Variants in CCDC39 observed in about 807,000 individuals in gnomAD.
CCDC39 encodes coiled-coil domain-containing protein 39.
A neutral mutation model predicts 121.0 loss-of-function variants in CCDC39; 113 were observed. The ratio of observed to expected loss-of-function variants is 0.93; its 90% CI spans 0.80 to 1.09. The LOEUF (loss-of-function observed/expected upper bound fraction) is 1.09, where lower values mean the gene tolerates loss of function less well. Ranked by LOEUF, CCDC39 falls within the 50% of genes least tolerant of loss-of-function variation. The probability of loss-of-function intolerance (pLI) is 0.00; values close to 1 mark genes in which losing one functional copy is unlikely to be tolerated. For missense variants in CCDC39, 1,063 were observed against 1,074.7 expected (o/e 0.99, Z 0.15); for synonymous variants, 349 against 352.2 (o/e 0.99, Z 0.10).
chr3:180,665,091 C>T (rs535059440), intron 1 of CCDC39, among the ~76,000 whole-genome samples: 31 of 152,232 alleles, frequency 2.0e-4, no homozygotes, highest in African/African-American at 6.7e-4. Context: ...TGTGAATAGT[C>T]GCAAGGCATC....
chr3:180,636,314 C>T (rs2108415865), intron 13 of CCDC39, among the ~76,000 whole-genome samples: 1 of 152,218 alleles, frequency 6.6e-6, no homozygotes, highest in East Asian at 1.9e-4. Flanking sequence ...CCAATAACAG[C>T]CAAGCCAATA....
At chr3:180,650,019 T>C (rs754824268) in intron 9 of CCDC39, among the ~76,000 whole-genome samples, 1 of 152,206 alleles carries the variant, frequency 6.6e-6, no homozygotes, top group Admixed American at 6.5e-5. Context: ...CCCATCCAAA[T>C]ACAAATGGAG....
intron 1 of CCDC39, among the ~76,000 whole-genome samples, chr3:180,674,652 C>T (rs879430884): frequency 6.6e-6 from 1 of 152,122 alleles, no homozygotes; most frequent in Non-Finnish European, 1.5e-5. Flanking sequence ...AGATACGGCC[C>T]ATCAATACCT....
At chr3:180,629,419 C>T (rs1289311481) in intron 14 of CCDC39, among the ~76,000 whole-genome samples, 1 of 152,194 alleles carries the variant, frequency 6.6e-6, no homozygotes, top group African/African-American at 2.4e-5. Context: ...TAGTTATCAT[C>T]TATACCTACA....
Position 180,631,486 on chromosome 3 carries a change from C to A in CCDC39, c.1981G>T (p.Ala661Ser). The A allele has an allele frequency of 6.2e-7, 1 of 1,605,676 alleles. No individual in the cohort carries two copies. Among genetic ancestry groups the A allele is most frequent in the Non-Finnish European group, 8.5e-7 (1 of 1,178,814 alleles). The change falls in exon 14 of 20, where the codon GCC becomes TCC. Residue 661 changes from alanine to serine, a missense_variant. Coordinates refer to ENST00000476379, the MANE Select transcript of CCDC39 (RefSeq NM_181426.2). ...PPEGEEEKTQ[A>S]YYVIKAAQEK... ...AAAATTACCTTTATTACATAATAGG[C>A]CTGTGTTTTCTCCTCTTCTCCTTCA...
chr3:180,674,886 T>C (rs1212718748), intron 1 of CCDC39, among the ~76,000 whole-genome samples: 1 of 152,300 alleles, frequency 6.6e-6, no homozygotes, highest in South Asian at 2.1e-4. Flanking sequence ...TTTGCCAGTA[T>C]TTTATGGAGG....
Position 180,631,590 on chromosome 3 carries a change from G to A in CCDC39, c.1877C>T (p.Thr626Ile). The change falls in exon 14 of 20, where the codon ACT (threonine) becomes ATT (isoleucine). Residue 626 changes from threonine (T) to isoleucine (I), a missense_variant and splice_region_variant. Coordinates refer to ENST00000476379, the MANE Select transcript of CCDC39 (RefSeq NM_181426.2). ...YVDQERENIS[T>I]EFRERLSKIE... ...TTTACTTAGCCGCTCGCGAAACTCAGTGCTAATAAGAAAAAGAAACACTGA... is the reference window on the plus strand; with the variant it reads ...TTTACTTAGCCGCTCGCGAAACTCAATGCTAATAAGAAAAAGAAACACTGA... The A allele has an allele frequency of 2.5e-6, 4 of 1,602,382 alleles. No individual in the cohort carries two copies. The highest frequency in any genetic ancestry group is 1.7e-4 in the Middle Eastern group (1 of 6,054).
intron 9 of CCDC39, among the ~76,000 whole-genome samples, chr3:180,650,542 G>A (rs978378669): frequency 6.6e-6 from 1 of 152,102 alleles, no homozygotes; most frequent in Non-Finnish European, 1.5e-5. Context: ...ATGGAATCCA[G>A]GGCACAGTGG....
intron 11 of CCDC39, among the ~76,000 whole-genome samples, chr3:180,644,558 G>A (rs1341866386): frequency 6.6e-6 from 1 of 152,072 alleles, no homozygotes; most frequent in Non-Finnish European, 1.5e-5. Context: ...AGTATTGTCT[G>A]GGGATTGGTT....
intron 1 of CCDC39, among the ~76,000 whole-genome samples, chr3:180,668,120 G>C (rs931858964): frequency 1.3e-5 from 2 of 152,180 alleles, no homozygotes; most frequent in African/African-American, 4.8e-5. Flanking sequence ...GCTCATGCCT[G>C]TAATCCCAAT....
In CCDC39 at chr3:180,648,225, G is replaced by T. The variant is rs1329563593; in HGVS notation, c.1302C>A (p.Asn434Lys). 9 of 1,613,382 alleles carry T rather than the reference G, an allele frequency of 5.6e-6. No individual in the cohort carries two copies. Among genetic ancestry groups the T allele is most frequent in the Non-Finnish European group, 7.6e-6 (9 of 1,179,564 alleles). ...CAAAATCCAGTTTTTGTAACTGATG[G>T]TTGAGATGTTTCAGAGAGGAACGAG... ...EGTRSSLKHL[N>K]HQLQKLDFET... The change falls in exon 10 of 20, where the codon AAC (asparagine) becomes AAA (lysine). Residue 434 changes from asparagine (N) to lysine (K), a missense_variant. By Grantham distance (94) the Asn-to-Lys change is moderately conservative. Coordinates refer to ENST00000476379, the MANE Select transcript of CCDC39 (RefSeq NM_181426.2).
intron 13 of CCDC39, among the ~76,000 whole-genome samples, chr3:180,636,265 A>G (rs1717825330): frequency 6.6e-6 from 1 of 152,240 alleles, no homozygotes; most frequent in Admixed American, 6.5e-5. Context: ...GTTTCAGGAT[A>G]CAAAATCAAC....
At chr3:180,653,519 T>A (rs1711515075) in intron 7 of CCDC39, among the ~76,000 whole-genome samples, 1 of 152,188 alleles carries the variant, frequency 6.6e-6, no homozygotes, top group Non-Finnish European at 1.5e-5. Context: ...CCTCTCTCTG[T>A]TATTTAGGTT....
chr3:180,635,228 C>T (rs1384298632), intron 13 of CCDC39, among the ~76,000 whole-genome samples: 1 of 152,162 alleles, frequency 6.6e-6, no homozygotes, highest in African/African-American at 2.4e-5. Context: ...CATTACTTCC[C>T]ACCAGGTCCC....
intron 6 of CCDC39, among the ~76,000 whole-genome samples, chr3:180,655,337 G>A (rs924553546): frequency 6.6e-6 from 1 of 151,700 alleles, no homozygotes; most frequent in African/African-American, 2.4e-5. Flanking sequence ...TTAGTGTTTT[G>A]AAAATAGCAT....
chr3:180,677,167 T>A (rs1235031832), intron 1 of CCDC39, among the ~76,000 whole-genome samples: 1 of 72,248 alleles, frequency 1.4e-5, no homozygotes, highest in African/African-American at 7.5e-5. Context: ...TAATAATAAT[T>A]TTATATATAT....
chr3:180,644,160 C>A lies in CCDC39; in HGVS notation c.1625G>T (p.Arg542Ile), dbSNP rs1415524039. 13 of 1,544,854 alleles carry A rather than the reference C, an allele frequency of 8.4e-6. No homozygotes were observed. The Admixed American group carries it at 2.2e-4, about 26-fold the overall frequency. Residue 542 changes from arginine to isoleucine, a missense_variant, in exon 12 of 20, where the codon AGA (arginine) becomes ATA (isoleucine). Physicochemically the swap from Arg to Ile is moderately conservative, Grantham distance 97 (BLOSUM62 -3). Transcript: ENST00000476379. ...GGCTTTATCAAGTTCTTTCTCTGAT[C>A]TGTCGATGAAAAGGTTTAGTTCATT... ...KINELNLFID[R>I]SEKELDKAKG... is the part of the protein sequence containing the mutation.
rs567190928 is a variant in CCDC39 at position 180,670,641 on chromosome 3, T to C, written c.91-6655A>G. 6.9e-3 allele frequency among the ~76,000 whole-genome samples: 918 copies of C among 133,322 alleles called. 7 individuals are homozygous for C. The highest frequency in any genetic ancestry group is 9.9e-3 in the Non-Finnish European group (649 of 65,820). The allele number at this position is 133,322 out of a possible 152,430, so 87.5% of individuals were successfully genotyped here. A position where few individuals can be genotyped will look rare whatever the true frequency, so the allele number is the denominator to read the frequency against. ...GTACCACAGTGCCTTTTTTTTCTCT[T>C]TTTTTTTTTTTTTTGCTTTCTTTAC... On this transcript the variant is annotated intron_variant, in intron 1 of 19. Coordinates refer to ENST00000476379, the MANE Select transcript of CCDC39 (RefSeq NM_181426.2).
chr3:180,660,351 A>G (rs1378663604), intron 4 of CCDC39, among the ~76,000 whole-genome samples: 2 of 152,136 alleles, frequency 1.3e-5, no homozygotes, highest in Non-Finnish European at 2.9e-5. Flanking sequence ...AAAGGGAATC[A>G]GAGAATCTAT....
Sources: gnomAD v4.1 joint callset for allele counts (sites outside exome capture counted in the v4.1 genomes callset) on GRCh38, gnomAD v4.1.1 for gene constraint, MANE v1.5 for transcripts, NCBI Gene and HGNC (gene_info 2026-07-23, HGNC 2026-07-21) for gene names.